The following GRID2 variants were observed in gnomAD, a reference collection of about 807,000 sequenced individuals.
GRID2 encodes glutamate ionotropic receptor delta type subunit 2, also known as glutamate receptor ionotropic, delta-2.
In GRID2, 33 loss-of-function variants were observed where a neutral mutation model predicts 114.8. The ratio of observed to expected loss-of-function variants is 0.29; its 90% confidence interval spans 0.22 to 0.38. The LOEUF (loss-of-function observed/expected upper bound fraction) is 0.38. GRID2 is among the 10% of genes least tolerant of loss of function. GRID2 has a pLI of 1.00. For missense variants in GRID2, 1,184 were observed against 1,257.7 expected, an observed-to-expected ratio of 0.94 and a Z score of 0.89; for synonymous variants, 505 against 449.9, an observed-to-expected ratio of 1.12 and a Z score of -1.55.
At chr4:93,540,532 G>A (rs1431872655) in intron 13 of GRID2, among the ~76,000 whole-genome samples, 1 of 152,146 alleles carries the variant, frequency 6.6e-6, no homozygotes. Flanking sequence ...AGCAGGTTGT[G>A]AAAGACCTAA....
intron 2 of GRID2, among the ~76,000 whole-genome samples, chr4:92,757,872 G>A (rs193110975): frequency 5.9e-5 from 9 of 151,738 alleles, no homozygotes; most frequent in Non-Finnish European, 1.2e-4. Context: ...TTTATACATT[G>A]GATTTAGTAA....
At chr4:92,314,307 C>G (rs1231426531) in intron 1 of GRID2, among the ~76,000 whole-genome samples, 2 of 152,016 alleles carry the variant, frequency 1.3e-5, no homozygotes, top group Admixed American at 6.6e-5. Flanking sequence ...AATATTTAGT[C>G]ATTTGGTAAT....
intron 2 of GRID2, among the ~76,000 whole-genome samples, chr4:92,683,146 A>C (rs1449538401): frequency 1.3e-5 from 2 of 152,010 alleles, no homozygotes; most frequent in Admixed American, 6.6e-5. Context: ...AAAAATACCA[A>C]AACTTAGCTG....
At chr4:93,159,628 T>C (rs1737496088) in intron 4 of GRID2, among the ~76,000 whole-genome samples, 3 of 151,692 alleles carry the variant, frequency 2.0e-5, no homozygotes, top group Admixed American at 2.0e-4. Flanking sequence ...ATTAAGTTTT[T>C]TAATTTCATT....
At chr4:92,926,246 C>A (rs932173508) in intron 2 of GRID2, among the ~76,000 whole-genome samples, 2 of 152,030 alleles carry the variant, frequency 1.3e-5, no homozygotes, top group South Asian at 4.2e-4. Flanking sequence ...AATTTCTTTT[C>A]TTCTTGTTAA....
intron 5 of GRID2, among the ~76,000 whole-genome samples, chr4:93,213,263 G>C (rs905596112): frequency 6.6e-6 from 1 of 151,962 alleles, no homozygotes; most frequent in African/African-American, 2.4e-5. Context: ...TTTAACATTT[G>C]CCTAATTGAT....
At chr4:93,380,494 A>C (rs1223447117) in intron 8 of GRID2, among the ~76,000 whole-genome samples, 1 of 151,246 alleles carries the variant, frequency 6.6e-6, no homozygotes, top group African/African-American at 2.4e-5. Flanking sequence ...CTTATTTTCC[A>C]AAGCATAGAT....
intron 1 of GRID2, among the ~76,000 whole-genome samples, chr4:92,439,526 A>G (rs1732915167): frequency 6.6e-6 from 1 of 151,882 alleles, no homozygotes; most frequent in African/African-American, 2.4e-5. Flanking sequence ...GGCTGCTTCA[A>G]GCGGGATTAG....
chr4:93,257,830 C>T (rs553605912), intron 8 of GRID2, among the ~76,000 whole-genome samples: 2 of 151,318 alleles, frequency 1.3e-5, no homozygotes, highest in Admixed American at 6.6e-5. Flanking sequence ...TTTATTCCTA[C>T]TTCAGCAACG....
intron 4 of GRID2, among the ~76,000 whole-genome samples, chr4:93,168,032 C>T (rs1272652293): frequency 6.6e-6 from 1 of 151,974 alleles, no homozygotes; most frequent in African/African-American, 2.4e-5. Context: ...ACCATCTCTA[C>T]TAAAAATATA....
intron 8 of GRID2, among the ~76,000 whole-genome samples, chr4:93,361,521 C>T (rs1440652515): frequency 3.3e-5 from 5 of 150,796 alleles, no homozygotes; most frequent in Non-Finnish European, 7.4e-5. Context: ...CCATTTGATT[C>T]TATTAGAGCC....
chr4:92,961,639 T>C (rs1752824166), intron 2 of GRID2, among the ~76,000 whole-genome samples: 1 of 151,730 alleles, frequency 6.6e-6, no homozygotes, highest in South Asian at 2.1e-4. Flanking sequence ...ATGATTTGTC[T>C]AGGTGTAGGT....
chr4:93,585,087 A>C (rs1737394687), intron 13 of GRID2, among the ~76,000 whole-genome samples: 1 of 152,100 alleles, frequency 6.6e-6, no homozygotes. Flanking sequence ...TGAGCATCCC[A>C]AAAAACTGTT....
intron 3 of GRID2, among the ~76,000 whole-genome samples, chr4:93,101,526 G>C (rs1731707930): frequency 6.6e-6 from 1 of 151,936 alleles, no homozygotes; most frequent in Non-Finnish European, 1.5e-5. Context: ...CCACTGGTAT[G>C]GAATGAGCAA....
intron 2 of GRID2, among the ~76,000 whole-genome samples, chr4:93,078,748 AC>A (rs1225013986): frequency 3.6e-5 from 5 of 139,118 alleles, no homozygotes; most frequent in Admixed American, 3.1e-4. Flanking sequence ...TACTGTATAT[AC>A]TAAATATAAT....
chr4:92,335,038 A>T (rs1727092409), intron 1 of GRID2, among the ~76,000 whole-genome samples: 1 of 152,256 alleles, frequency 6.6e-6, no homozygotes, highest in African/African-American at 2.4e-5. Context: ...CTGATACAAT[A>T]GGTAGTCAAT....
chr4:92,839,577 A>T (rs1742733777), intron 2 of GRID2, among the ~76,000 whole-genome samples: 3 of 151,664 alleles, frequency 2.0e-5, no homozygotes, highest in Non-Finnish European at 4.4e-5. Flanking sequence ...TTCTTCTTCA[A>T]TCCAGTGGTC....
At chr4:93,156,077 T>C (rs1398329878) in intron 4 of GRID2, among the ~76,000 whole-genome samples, 1 of 151,800 alleles carries the variant, frequency 6.6e-6, no homozygotes, top group African/African-American at 2.4e-5. Context: ...GAATATCATA[T>C]GTATCCCATG....
At chr4:92,918,304 C>G (rs1748996382) in intron 2 of GRID2, among the ~76,000 whole-genome samples, 1 of 152,144 alleles carries the variant, frequency 6.6e-6, no homozygotes, top group Admixed American at 6.5e-5. Context: ...CAAACAGGGA[C>G]AATTTGACTT....
Sources: gnomAD v4.1 joint callset for allele counts (sites outside exome capture counted in the v4.1 genomes callset) on GRCh38, gnomAD v4.1.1 for gene constraint, MANE v1.5 for transcripts, NCBI Gene and HGNC (gene_info 2026-07-23, HGNC 2026-07-21) for gene names.